Variants in DOCK10 observed in about 807,000 individuals in gnomAD.
The protein encoded by DOCK10 is dedicator of cytokinesis protein 10.
Under a neutral mutation model 280.1 loss-of-function variants are expected in DOCK10, and 145 were observed. That is an observed-to-expected ratio of 0.52 (90% confidence interval 0.45 to 0.59). The LOEUF (loss-of-function observed/expected upper bound fraction) is 0.59, where lower values mean the gene tolerates loss of function less well. Among genes scored for constraint, DOCK10 ranks in the 20% least tolerant of loss-of-function variants. The pLI is 0.00. For synonymous variants in DOCK10, 915 were observed against 942.2 expected, an observed-to-expected ratio of 0.97 and a Z score of 0.53; for missense variants, 2,368 against 2,651.7, an observed-to-expected ratio of 0.89 and a Z score of 2.35.
intron 55 of DOCK10, among the ~76,000 whole-genome samples, chr2:224,766,579 G>A (rs1463610941): frequency 6.6e-6 from 1 of 152,198 alleles, no homozygotes; most frequent in African/African-American, 2.4e-5. Context: ...CTGATGATGT[G>A]TTCAAAGAGT....
At chr2:224,903,073 G>A (rs1269621008) in intron 3 of DOCK10, among the ~76,000 whole-genome samples, 1 of 152,184 alleles carries the variant, frequency 6.6e-6, no homozygotes, top group African/African-American at 2.4e-5. Flanking sequence ...TCTCCAGCCT[G>A]GGCGACAGAG....
At chr2:224,800,285 A>C in intron 40 of DOCK10, 22 bp from the exon 41 acceptor site, 1 of 1,491,710 alleles carries the variant, frequency 6.7e-7, no homozygotes, top group Non-Finnish European at 9.3e-7. Context: ...AAAATAAAAC[A>C]TGCGTAAAAG....
At chr2:224,983,079 A>G (rs1705829058) in intron 1 of DOCK10, among the ~76,000 whole-genome samples, 1 of 152,200 alleles carries the variant, frequency 6.6e-6, no homozygotes, top group African/African-American at 2.4e-5. Context: ...TTATATTTAC[A>G]TACGCGGCTT....
Position 224,931,558 on chromosome 2 carries a change from A to G in DOCK10, c.234T>C (p.Asp78=), listed in dbSNP as rs1702377885. ...AGAAGAGAAGACTTACTGAAAAGTC[A>G]TCACTGGGGAAGAACAAGAGATCTT... ...PLQDLLFFPS[D]DFSAATVSWD... The change falls in exon 2 of 56, where the codon GAT becomes GAC. Residue 78 remains aspartate, a synonymous_variant. Coordinates refer to ENST00000258390, the MANE Select transcript of DOCK10 (RefSeq NM_014689.3). The G allele has an allele frequency of 1.2e-6, 2 of 1,608,738 alleles. No individual in the cohort carries two copies. The highest frequency in any genetic ancestry group is 1.7e-6 in the Non-Finnish European group (2 of 1,177,480).
chr2:224,814,871 T>C (rs1234195636), intron 30 of DOCK10, among the ~76,000 whole-genome samples: 1 of 152,246 alleles, frequency 6.6e-6, no homozygotes, highest in Non-Finnish European at 1.5e-5. Context: ...TTCTAATTGT[T>C]AGCTTTCTAC....
At chr2:224,784,680 G>T in intron 50 of DOCK10, 3 of 1,278,804 alleles carry the variant, frequency 2.3e-6, no homozygotes, top group Non-Finnish European at 3.1e-6. Context: ...CATACAGAGG[G>T]AAGTGTGAGG....
At chr2:225,021,176 T>C (rs775740667) in intron 1 of DOCK10, among the ~76,000 whole-genome samples, 2 of 152,200 alleles carry the variant, frequency 1.3e-5, no homozygotes, top group African/African-American at 4.8e-5. Flanking sequence ...ATTGAGCCCA[T>C]GTCCCAAGGA....
intron 41 of DOCK10, among the ~76,000 whole-genome samples, chr2:224,798,836 A>G (rs755334322): frequency 2.6e-5 from 4 of 151,912 alleles, no homozygotes; most frequent in Non-Finnish European, 5.9e-5. Context: ...GCTTCACTAT[A>G]TTGCCCAGGT....
chr2:224,792,426 G>T (rs1225733967), intron 47 of DOCK10, among the ~76,000 whole-genome samples: 1 of 152,064 alleles, frequency 6.6e-6, no homozygotes, highest in Non-Finnish European at 1.5e-5. Context: ...TGGGATAACA[G>T]GTGCCTGCCA....
At chr2:224,799,807 AAATTT>A (rs1692846946) in intron 41 of DOCK10, among the ~76,000 whole-genome samples, 1 of 152,212 alleles carries the variant, frequency 6.6e-6, no homozygotes, top group African/African-American at 2.4e-5. Context: ...ATCTAGTTGT[AAATTT>A]AATATATAGG....
chr2:225,019,897 T>A (rs1689740137), intron 1 of DOCK10, among the ~76,000 whole-genome samples: 2 of 152,234 alleles, frequency 1.3e-5, no homozygotes, highest in African/African-American at 2.4e-5. Context: ...TGTCAAGCTA[T>A]GTGACCAATT....
chr2:225,035,585 T>A lies in DOCK10; in HGVS notation c.123+6667A>T, dbSNP rs532792825. On this transcript the variant is annotated intron_variant, in intron 1 of 55. Transcript: ENST00000258390. The stretch of plus-strand genomic sequence containing the variant: ...ATATATATATATATATATATATATA[T>A]ATAACACTGAATCAGTGTTAATTGT... 3.2e-3 allele frequency among the ~76,000 whole-genome samples: 349 copies of A among 109,442 alleles called. 8 individuals carry two copies. Among genetic ancestry groups the A allele is most frequent in the African/African-American group, 0.014 (268 of 19,686 alleles). 71.8% of individuals were successfully genotyped at this position (109,442 alleles called of 152,430 possible). A position where few individuals can be genotyped will look rare whatever the true frequency, so the allele number is the denominator to read the frequency against.
chr2:224,991,984 C>T (rs1045655013), intron 1 of DOCK10, among the ~76,000 whole-genome samples: 15 of 152,018 alleles, frequency 9.9e-5, no homozygotes, highest in East Asian at 7.7e-4. Flanking sequence ...ACAACAAGGA[C>T]GCTAATGCAT....
chr2:224,982,393 T>G (rs1362817426), intron 1 of DOCK10: 1 of 1,231,580 alleles, frequency 8.1e-7, no homozygotes, highest in African/African-American at 1.6e-5. Flanking sequence ...GCCTACAAAA[T>G]AACTTCTATG....
intron 14 of DOCK10, 102 bp downstream of exon 14, chr2:224,862,562 A>C (rs1697578776): frequency 2.3e-6 from 2 of 867,308 alleles, no homozygotes; most frequent in Admixed American, 2.0e-5. Context: ...CTAGGTGTAG[A>C]CACATTAAAA....
chr2:225,001,862 C>T (rs762225107), intron 1 of DOCK10, among the ~76,000 whole-genome samples: 29 of 152,128 alleles, frequency 1.9e-4, no homozygotes, highest in Non-Finnish European at 3.7e-4. Context: ...GAGCCTGTTT[C>T]GTAAGGGCAC....
At chr2:224,795,359 T>C (rs1367437122) in intron 44 of DOCK10, among the ~76,000 whole-genome samples, 1 of 152,230 alleles carries the variant, frequency 6.6e-6, no homozygotes, top group Non-Finnish European at 1.5e-5. Context: ...TTGAGATATA[T>C]TCCCCTTCCT....
At chr2:224,775,473 A>ATATTAT (rs3083072) in intron 51 of DOCK10, among the ~76,000 whole-genome samples, 52 of 150,270 alleles carry the variant, frequency 3.5e-4, no homozygotes, top group African/African-American at 1.1e-3. Flanking sequence ...CATTTTATTT[A>ATATTAT]TATTATTATT....
In DOCK10 at chr2:224,845,601, A is replaced by G. The variant is rs1397259244; in HGVS notation, c.2277T>C (p.His759=). Residue 759 remains histidine (H), a synonymous_variant, in exon 20 of 56, where the codon CAT becomes CAC. Transcript: ENST00000258390. ...TGACGTGATAAAAAGAAAACAAAATATGGTGTTTCTCATGGAGTTGTGTTG... is the reference window on the plus strand; with the variant it reads ...TGACGTGATAAAAAGAAAACAAAATGTGGTGTTTCTCATGGAGTTGTGTTG... ...ELPTQLHEKH[H]ILFSFYHVTC... is the part of the protein sequence containing the mutation. The G allele has an allele frequency of 6.2e-7, 1 of 1,613,120 alleles. No homozygotes were observed. Among genetic ancestry groups the G allele is most frequent in the Non-Finnish European group, 8.5e-7 (1 of 1,179,374 alleles).
Sources: gnomAD v4.1 joint callset for allele counts (sites outside exome capture counted in the v4.1 genomes callset) on GRCh38, gnomAD v4.1.1 for gene constraint, MANE v1.5 for transcripts, NCBI Gene and HGNC (gene_info 2026-07-23, HGNC 2026-07-21) for gene names.